Variants in EIF2D observed in about 807,000 individuals in gnomAD.
EIF2D encodes hepatocellular carcinoma-associated antigen 56.
EIF2D carries 56 observed loss-of-function variants against 77.4 expected under a neutral mutation model. The observed-to-expected ratio is 0.72, with a 90% CI of 0.58 to 0.90. The LOEUF (loss-of-function observed/expected upper bound fraction) is 0.90, where lower values mean the gene tolerates loss of function less well. Among genes scored for constraint, EIF2D ranks in the 40% least tolerant of loss-of-function variants. The pLI, the probability that EIF2D is intolerant of heterozygous loss-of-function variation, is 0.00. For missense variants in EIF2D, 574 were observed against 706.5 expected, an observed-to-expected ratio of 0.81 and a Z score of 2.13; for synonymous variants, 230 against 271.0, an observed-to-expected ratio of 0.85 and a Z score of 1.49.
intron 2 of EIF2D, among the ~76,000 whole-genome samples, chr1:206,610,470 G>A (rs951959590): frequency 1.3e-5 from 2 of 152,110 alleles, no homozygotes; most frequent in Non-Finnish European, 2.9e-5. Context: ...AGTTAGCTAC[G>A]ATCACACCAC....
At chr1:206,589,139 T>G (rs1250345585), downstream of EIF2D, 1 of 152,606 alleles carries the variant, frequency 6.6e-6, no homozygotes, top group Non-Finnish European at 1.5e-5. Flanking sequence ...CTCCCAGAGG[T>G]GGGAGTAACT....
chr1:206,588,856 C>G (rs1182033202), downstream of EIF2D: 1 of 152,726 alleles, frequency 6.5e-6, no homozygotes, highest in Non-Finnish European at 1.5e-5. Flanking sequence ...CTGCATGTCT[C>G]TAACATTAAT....
At chr1:206,569,612 G>A (rs186241268), downstream of EIF2D, among the ~76,000 whole-genome samples, 854 of 152,304 alleles carry the variant, frequency 5.6e-3, 7 homozygotes, top group South Asian at 7.9e-3. Context: ...CTCAAATTAT[G>A]TCAAAGTAAT....
At chr1:206,591,876 G>A (rs782400250) in intron 14 of EIF2D, 31 bp from the exon 15 acceptor site, 21 of 1,611,738 alleles carry the variant, frequency 1.3e-5, no homozygotes, top group Middle Eastern at 3.3e-4. Context: ...ACTCCTCAGC[G>A]GAGCATGACC....
At chr1:206,585,710 C>T (rs189085063) in intron 2 of EIF2D, 207 of 162,456 alleles carry the variant, frequency 1.3e-3, no homozygotes, top group Non-Finnish European at 2.5e-3. Flanking sequence ...TGACCTCCAT[C>T]CCCCAAGGGG....
intron 13 of EIF2D, chr1:206,595,048 T>C (rs1669580588): frequency 6.6e-6 from 1 of 151,992 alleles, no homozygotes; most frequent in South Asian, 2.1e-4. Context: ...TTTCACAGAG[T>C]AAAACTCAGA....
chr1:206,569,232 A>G (rs977118219), downstream of EIF2D, among the ~76,000 whole-genome samples: 4 of 152,250 alleles, frequency 2.6e-5, no homozygotes, highest in African/African-American at 9.6e-5. Flanking sequence ...CCAGTGGGGT[A>G]CAGAAGCCCA....
At position 206,599,567 on chromosome 1, in the gene EIF2D, A is replaced by G. The variant is rs1219691523; in HGVS notation, c.1098T>C (p.Thr366=). 6.2e-7 allele frequency: 1 copy of G among 1,605,922 alleles called. No homozygotes were observed. Among genetic ancestry groups the G allele is most frequent in the South Asian group, 1.1e-5 (1 of 90,134 alleles). The change falls in exon 10 of 15, where the codon ACT becomes ACC. Residue 366 remains threonine (T), a synonymous_variant. Transcript: ENST00000271764. The surrounding 1 kb of genome is among the most constrained non-coding windows in gnomAD (Gnocchi z 4.1). ...VIPEPSPTSQ[T]IQEGSREQPY... ...GCTGTTCCCTGCTACCCTCCTGGATAGTCTGGGAGGTCGGGGAGGGCTCGG... is the reference window on the plus strand; with the variant it reads ...GCTGTTCCCTGCTACCCTCCTGGATGGTCTGGGAGGTCGGGGAGGGCTCGG...
At chr1:206,571,762 G>A (rs1210734444) in intron 5 of EIF2D, among the ~76,000 whole-genome samples, 3 of 152,212 alleles carry the variant, frequency 2.0e-5, no homozygotes, top group Non-Finnish European at 4.4e-5. Flanking sequence ...TCAGATGAAG[G>A]GCTCAGGGAG....
Position 206,595,748 on chromosome 1 carries a change from G to A in EIF2D, c.1479C>T (p.Ile493=). The change falls in exon 13 of 15, where the codon ATC becomes ATT. Residue 493 remains isoleucine (I), a synonymous_variant. Coordinates refer to ENST00000271764, the MANE Select transcript of EIF2D (RefSeq NM_006893.3). Reference sequence around the variant, plus strand: ...TATTAGACGCTCTTTGTGCTAGGGTGATGTCAATTGGACAGATTCTCCCTT... The same window carrying A: ...TATTAGACGCTCTTTGTGCTAGGGTAATGTCAATTGGACAGATTCTCCCTT... ...VKKGRICPID[I]TLAQRASNKK... The A allele has an allele frequency of 3.7e-6, 6 of 1,614,168 alleles. No individual in the cohort carries two copies. The highest frequency in any genetic ancestry group is 5.1e-6 in the Non-Finnish European group (6 of 1,179,998).
intron 2 of EIF2D, chr1:206,583,804 T>C (rs752115050): frequency 2.8e-4 from 53 of 191,102 alleles, no homozygotes; most frequent in Non-Finnish European, 3.2e-4. Flanking sequence ...TAGCACCCAG[T>C]TGGGAAAGGC....
chr1:206,590,521 G>A (rs1183777420), downstream of EIF2D, among the ~76,000 whole-genome samples: 1 of 152,166 alleles, frequency 6.6e-6, no homozygotes, highest in African/African-American at 2.4e-5. Flanking sequence ...GCAGGCCAAA[G>A]GCTTTAACAG....
chr1:206,584,490 T>C lies in EIF2D; in HGVS notation c.139-3328A>G. 1 of 1,614,070 alleles carries C rather than the reference T, an allele frequency of 6.2e-7. No individual in the cohort carries two copies. Among genetic ancestry groups the C allele is most frequent in the Admixed American group, 1.7e-5 (1 of 60,014 alleles). ...CGGCCCCAGTCCATCTATGATGCCATCAAGGAGGTGAACCTGGCGGCTACC... is the reference window on the plus strand; with the variant it reads ...CGGCCCCAGTCCATCTATGATGCCACCAAGGAGGTGAACCTGGCGGCTACC... On this transcript the variant is annotated intron_variant and NMD_transcript_variant, in intron 2 of 5. Transcript: ENST00000472709. The surrounding 1 kb of genome is among the most constrained non-coding windows in gnomAD (Gnocchi z 4.9).
downstream of EIF2D, among the ~76,000 whole-genome samples, chr1:206,569,500 A>C (rs1481217006): frequency 6.6e-6 from 1 of 152,238 alleles, no homozygotes; most frequent in Non-Finnish European, 1.5e-5. Context: ...ACAAGGGAAG[A>C]AGCCTTGGCT....
At chr1:206,587,088 C>A, downstream of EIF2D, 1 of 1,374,258 alleles carries the variant, frequency 7.3e-7, no homozygotes, top group Non-Finnish European at 1.0e-6. Flanking sequence ...GCATTTGTGC[C>A]TGCCCAGCAG....
chr1:206,605,522 G>A lies in EIF2D; in HGVS notation c.423-15C>T. ...CTACAGGGGCTCTAAGAAGAAGGAA[G>A]CCAGAGACCAGGGTCATGGAAAATC... On this transcript the variant is annotated splice_polypyrimidine_tract_variant and intron_variant, in intron 4 of 14. Transcript: ENST00000271764. 3.7e-6 allele frequency: 6 copies of A among 1,607,754 alleles called. No individual in the cohort carries two copies. The highest frequency in any genetic ancestry group is 5.1e-6 in the Non-Finnish European group (6 of 1,174,726).
At chr1:206,598,057 A>G (rs552685984) in intron 11 of EIF2D, among the ~76,000 whole-genome samples, 3 of 152,200 alleles carry the variant, frequency 2.0e-5, no homozygotes, top group African/African-American at 7.2e-5. Context: ...TTTTTTTTTG[A>G]GATGGGGTTT....
At chr1:206,583,133 G>A in intron 2 of EIF2D, 1 of 632,280 alleles carries the variant, frequency 1.6e-6, no homozygotes, top group Non-Finnish European at 2.9e-6. Flanking sequence ...CTCACTCCGA[G>A]TCCGTGCAGT....
exon 6 of EIF2D, chr1:206,571,420 G>C (rs879995749): frequency 6.6e-6 from 1 of 152,068 alleles, no homozygotes; most frequent in African/African-American, 2.4e-5. Context: ...CTGGGATGGG[G>C]TATTGGGATC....
Sources: gnomAD v4.1 joint callset for allele counts (sites outside exome capture counted in the v4.1 genomes callset) on GRCh38, gnomAD v4.1.1 for gene constraint, Gnocchi (gnomAD v3.1) non-coding constraint, MANE v1.5 for transcripts, NCBI Gene and HGNC (gene_info 2026-07-23, HGNC 2026-07-21) for gene names.